The following ZNF385D variants were observed in gnomAD, a reference collection of about 807,000 sequenced individuals.
The protein encoded by ZNF385D is zinc finger protein 385D, also known as zinc finger protein 659.
In ZNF385D, 15 loss-of-function variants were observed where a neutral mutation model predicts 35.8. The observed-to-expected ratio is 0.42, with a 90% confidence interval of 0.28 to 0.64. The LOEUF is 0.64. Among genes scored for constraint, ZNF385D ranks in the 30% least tolerant of loss-of-function variants. ZNF385D has a pLI of 0.23. For synonymous variants in ZNF385D, 212 were observed against 186.8 expected, an observed-to-expected ratio of 1.13 and a Z score of -1.10; for missense variants, 474 against 494.6, an observed-to-expected ratio of 0.96 and a Z score of 0.39.
chr3:22,112,607 ATACT>A (rs1325116073), intron 3 of ZNF385D, among the ~76,000 whole-genome samples: 2 of 152,242 alleles, frequency 1.3e-5, no homozygotes, highest in African/African-American at 4.8e-5. Context: ...AAATATTTTG[ATACT>A]TAGCTTTATT....
intron 3 of ZNF385D, among the ~76,000 whole-genome samples, chr3:21,537,387 G>A (rs2062062710): frequency 6.6e-6 from 1 of 151,606 alleles, no homozygotes; most frequent in South Asian, 2.1e-4. Context: ...CCTGCCTCGG[G>A]TTACAGGCAT....
Position 22,333,152 on chromosome 3 carries a change from G to T in ZNF385D, c.106+39298C>A, listed in dbSNP as rs116173776. Among the ~76,000 whole-genome samples, 1,415 of 152,126 alleles carry T rather than the reference G, an allele frequency of 9.3e-3. 21 individuals carry two copies. Among genetic ancestry groups the T allele is most frequent in the African/African-American group, 0.032 (1,314 of 41,502 alleles). Reference sequence around the variant, plus strand: ...TTTGCCATTTCATTCTGGCATCCTTGATTTCTGATCAGACATCTTCTGTAA... The same window carrying T: ...TTTGCCATTTCATTCTGGCATCCTTTATTTCTGATCAGACATCTTCTGTAA... On this transcript the variant is annotated intron_variant, in intron 2 of 5. Transcript: ENST00000494108.
chr3:22,167,045 AG>A (rs1198887026), intron 3 of ZNF385D, among the ~76,000 whole-genome samples: 19 of 152,378 alleles, frequency 1.2e-4, no homozygotes, highest in African/African-American at 4.6e-4. Flanking sequence ...TGATAGCGGT[AG>A]GAAGCAGACA....
chr3:21,582,664 CACCTGA>C (rs1426702445), intron 2 of ZNF385D, among the ~76,000 whole-genome samples: 4 of 152,146 alleles, frequency 2.6e-5, no homozygotes, highest in African/African-American at 7.2e-5. Flanking sequence ...AGATTAAGTC[CACCTGA>C]ACCACAGGTG....
At chr3:22,074,598 T>A (rs974602658) in intron 3 of ZNF385D, among the ~76,000 whole-genome samples, 1 of 152,006 alleles carries the variant, frequency 6.6e-6, no homozygotes, top group African/African-American at 2.4e-5. Context: ...CTGGTATTTC[T>A]ATGATATTTC....
chr3:22,341,561 A>C (rs1023082567), intron 2 of ZNF385D, among the ~76,000 whole-genome samples: 1 of 152,234 alleles, frequency 6.6e-6, no homozygotes, highest in African/African-American at 2.4e-5. Flanking sequence ...ATTTGGAATG[A>C]ACCAAAAAAT....
intron 4 of ZNF385D, among the ~76,000 whole-genome samples, chr3:21,469,745 T>C (rs1483228948): frequency 6.6e-6 from 1 of 152,054 alleles, no homozygotes; most frequent in East Asian, 1.9e-4. Flanking sequence ...TAATTGGGCA[T>C]GGGAATGACC....
At chr3:21,622,034 CAGAGA>C (rs1360199152) in intron 2 of ZNF385D, among the ~76,000 whole-genome samples, 1 of 151,902 alleles carries the variant, frequency 6.6e-6, no homozygotes, top group East Asian at 1.9e-4. Context: ...TTTTACAGTC[CAGAGA>C]AGAGACTCAA....
intron 2 of ZNF385D, among the ~76,000 whole-genome samples, chr3:22,212,879 T>C (rs1171055424): frequency 6.6e-6 from 1 of 151,958 alleles, no homozygotes. Flanking sequence ...TTCAAGACAC[T>C]AATTTAAGAT....
chr3:21,691,532 T>A (rs1488450974), intron 1 of ZNF385D, among the ~76,000 whole-genome samples: 1 of 152,136 alleles, frequency 6.6e-6, no homozygotes, highest in Non-Finnish European at 1.5e-5. Context: ...TCTCCTTTCT[T>A]TCTTCTAAGA....
intron 3 of ZNF385D, among the ~76,000 whole-genome samples, chr3:22,080,851 G>A (rs1700712498): frequency 6.6e-6 from 1 of 151,960 alleles, no homozygotes; most frequent in Non-Finnish European, 1.5e-5. Flanking sequence ...TCCACGTGAG[G>A]ACACAGTAAG....
intron 4 of ZNF385D, among the ~76,000 whole-genome samples, chr3:21,444,008 T>C (rs1701998139): frequency 1.3e-5 from 2 of 151,988 alleles, no homozygotes; most frequent in Non-Finnish European, 2.9e-5. Context: ...AATTAGACCA[T>C]ACGTTATTCT....
chr3:22,290,318 C>T (rs944438951), intron 2 of ZNF385D, among the ~76,000 whole-genome samples: 1 of 152,126 alleles, frequency 6.6e-6, no homozygotes, highest in African/African-American at 2.4e-5. Context: ...ACACCACACC[C>T]AAAGACAAAA....
At chr3:21,617,709 C>T (rs1487657249) in intron 2 of ZNF385D, among the ~76,000 whole-genome samples, 1 of 152,114 alleles carries the variant, frequency 6.6e-6, no homozygotes, top group Non-Finnish European at 1.5e-5. Flanking sequence ...TCCTTTGTTG[C>T]ACTGATGTCC....
At chr3:21,880,253 C>G (rs1358719818) in intron 3 of ZNF385D, among the ~76,000 whole-genome samples, 5 of 151,938 alleles carry the variant, frequency 3.3e-5, no homozygotes, top group African/African-American at 1.2e-4. Context: ...TTTTATTGCA[C>G]TTTGCTTTAC....
At chr3:21,652,307 G>GT (rs1340185024) in intron 2 of ZNF385D, among the ~76,000 whole-genome samples, 1 of 152,010 alleles carries the variant, frequency 6.6e-6, no homozygotes, top group Admixed American at 6.6e-5. Flanking sequence ...AATTATAACT[G>GT]TAACATAAAG....
chr3:22,183,474 C>T (rs1695420072), intron 2 of ZNF385D, among the ~76,000 whole-genome samples: 1 of 152,096 alleles, frequency 6.6e-6, no homozygotes, highest in Non-Finnish European at 1.5e-5. Flanking sequence ...TCTCCTGCCT[C>T]AGCCTCCTGA....
At position 21,977,336 on chromosome 3, in the gene ZNF385D, A is replaced by C. The variant is rs1280465902; in HGVS notation, c.325+191481T>G. ...TACTACATTTCAATTAACAAAAAAA[A>C]ATTTGTTTTTAATTAAAGCTTGAGT... is the stretch of plus-strand genomic sequence containing the variant. On this transcript the variant is annotated intron_variant, in intron 3 of 5. Transcript: ENST00000494108. Among the ~76,000 whole-genome samples the C allele has an allele frequency of 2.7e-5, 4 of 148,162 alleles. No homozygotes were observed. In the East Asian group the frequency reaches 6.0e-4, roughly 22 times the overall value.
intron 3 of ZNF385D, among the ~76,000 whole-genome samples, chr3:22,075,248 G>A (rs897646100): frequency 2.0e-5 from 3 of 151,742 alleles, no homozygotes; most frequent in African/African-American, 7.3e-5. Context: ...ATTCCCTTCA[G>A]TTTAGATGCA....
Sources: gnomAD v4.1 joint callset for allele counts (sites outside exome capture counted in the v4.1 genomes callset) on GRCh38, gnomAD v4.1.1 for gene constraint, MANE v1.5 for transcripts, NCBI Gene and HGNC (gene_info 2026-07-23, HGNC 2026-07-21) for gene names.